KCNMB4: variants seen among roughly 807,000 people sequenced by gnomAD.
KCNMB4 encodes potassium calcium-activated channel subfamily M regulatory beta subunit 4.
In KCNMB4, 3 loss-of-function variants were observed where a neutral mutation model predicts 20.7. The observed-to-expected ratio is 0.14, with a 90% CI of 0.07 to 0.37. The LOEUF (loss-of-function observed/expected upper bound fraction) is 0.37. Among genes scored for constraint, KCNMB4 ranks in the 10% least tolerant of loss-of-function variants. KCNMB4 has a pLI of 1.00. For missense variants in KCNMB4, 168 were observed against 265.9 expected, an observed-to-expected ratio of 0.63 and a Z score of 2.56; for synonymous variants, 110 against 113.4, an observed-to-expected ratio of 0.97 and a Z score of 0.19.
At chr12:70,415,272 G>A (rs1370437855) in intron 2 of KCNMB4, among the ~76,000 whole-genome samples, 1 of 152,180 alleles carries the variant, frequency 6.6e-6, no homozygotes. Context: ...AGTTCCAGAA[G>A]CCTCTTCTGT....
chr12:70,371,041 G>A (rs1883584030), intron 1 of KCNMB4, among the ~76,000 whole-genome samples: 1 of 152,048 alleles, frequency 6.6e-6, no homozygotes, highest in Admixed American at 6.6e-5. Flanking sequence ...ATATTTAGTA[G>A]AGACAGGGTT....
intron 2 of KCNMB4, among the ~76,000 whole-genome samples, chr12:70,401,975 C>T (rs1297335388): frequency 6.6e-6 from 1 of 152,158 alleles, no homozygotes; most frequent in Non-Finnish European, 1.5e-5. Flanking sequence ...GGCTTTGCCT[C>T]TTGATAGGAG....
chr12:70,375,245 G>A (rs1376367659), intron 1 of KCNMB4, among the ~76,000 whole-genome samples: 1 of 152,024 alleles, frequency 6.6e-6, no homozygotes. Flanking sequence ...TCTGTTCATT[G>A]AGTTTATGGC....
chr12:70,426,569 A>T (rs1294269760), intron 2 of KCNMB4, among the ~76,000 whole-genome samples: 1 of 152,212 alleles, frequency 6.6e-6, no homozygotes, highest in Non-Finnish European at 1.5e-5. Context: ...TAAGTGATTC[A>T]AATTTGAGAA....
rs533452555 is a variant in KCNMB4 at position 70,422,191 on chromosome 12, C to G, written c.465-8294C>G. On this transcript the variant is annotated intron_variant, in intron 2 of 2. Transcript: ENST00000258111. Reference sequence around the variant, plus strand: ...GAAGAATGTAAATGTCTTCTTGTCTCCAGTTTATTTCTGCTTAAACCTTAA... The same window carrying G: ...GAAGAATGTAAATGTCTTCTTGTCTGCAGTTTATTTCTGCTTAAACCTTAA... Among the ~76,000 whole-genome samples the G allele has an allele frequency of 1.7e-3, 261 of 152,260 alleles. 1 individual carries two copies. The highest frequency in any genetic ancestry group is 3.2e-3 in the Non-Finnish European group (215 of 68,014).
chr12:70,432,075 G>T lies in KCNMB4; in HGVS notation c.*1422G>T, dbSNP rs909119616. 3.3e-5 allele frequency: 5 copies of T among 149,660 alleles called. No homozygotes were observed. Among genetic ancestry groups the T allele is most frequent in the South Asian group, 2.1e-4 (1 of 4,750 alleles). 9.3% of individuals were successfully genotyped at this position (149,660 alleles called of 1,614,324 possible). Reference sequence around the variant, plus strand: ...AGATGGTGTCTCACTCTGTTGCCAGGCTGGAGTGCAGTGGCACGATCTCGG... The same window carrying T: ...AGATGGTGTCTCACTCTGTTGCCAGTCTGGAGTGCAGTGGCACGATCTCGG... On this transcript the variant is annotated 3_prime_UTR_variant, in exon 3 of 3. Transcript: ENST00000258111.
At chr12:70,405,450 G>A (rs938631220) in intron 2 of KCNMB4, among the ~76,000 whole-genome samples, 77 of 152,220 alleles carry the variant, frequency 5.1e-4, no homozygotes, top group African/African-American at 1.7e-3. Flanking sequence ...GTCACCTCAC[G>A]CCTCTCAGAA....
At chr12:70,368,667 G>A (rs1030998554) in intron 1 of KCNMB4, among the ~76,000 whole-genome samples, 12 of 152,154 alleles carry the variant, frequency 7.9e-5, no homozygotes, top group African/African-American at 2.9e-4. Context: ...TTATATGGCA[G>A]TTCATCATTT....
At chr12:70,401,281 C>T (rs1383018484) in intron 2 of KCNMB4, among the ~76,000 whole-genome samples, 1 of 152,212 alleles carries the variant, frequency 6.6e-6, no homozygotes, top group Non-Finnish European at 1.5e-5. Flanking sequence ...CTGCCTCAGC[C>T]TCCCAAAGTG....
intron 2 of KCNMB4, among the ~76,000 whole-genome samples, chr12:70,417,002 CT>C (rs1868929267): frequency 6.6e-6 from 1 of 152,194 alleles, no homozygotes; most frequent in African/African-American, 2.4e-5. Context: ...ATGCAGCTGA[CT>C]TTCCCTTCAC....
chr12:70,395,563 T>A lies in KCNMB4; in HGVS notation c.337-4646T>A, dbSNP rs1277827465. On this transcript the variant is annotated intron_variant, in intron 1 of 2. Coordinates refer to ENST00000258111, the MANE Select transcript of KCNMB4 (RefSeq NM_014505.6). ...AATCTTGACAAACCCTAACATATGA[T>A]AATGGAAAACTAAGTAATAATAAGT... Among the ~76,000 whole-genome samples the A allele has an allele frequency of 4.6e-5, 7 of 152,168 alleles. No individual in the cohort carries two copies. In the East Asian group the frequency reaches 1.3e-3, roughly 29 times the overall value.
chr12:70,422,923 T>C (rs1869106075), intron 2 of KCNMB4: 1 of 910,054 alleles, frequency 1.1e-6, no homozygotes, highest in African/African-American at 1.7e-5. Flanking sequence ...GCCTCTACTT[T>C]AGGAGACTTG....
intron 1 of KCNMB4, among the ~76,000 whole-genome samples, chr12:70,380,473 G>A (rs181840917): frequency 1.3e-3 from 191 of 152,240 alleles, no homozygotes; most frequent in Non-Finnish European, 3.7e-4. Flanking sequence ...GGTGCCAATG[G>A]ACTTGTTCTC....
intron 1 of KCNMB4, among the ~76,000 whole-genome samples, chr12:70,382,022 T>A (rs1400738998): frequency 4.6e-5 from 7 of 152,210 alleles, no homozygotes; most frequent in African/African-American, 1.4e-4. Context: ...AAATAAATTT[T>A]AAAAAACTAA....
At chr12:70,418,911 G>A (rs1246727926) in intron 2 of KCNMB4, among the ~76,000 whole-genome samples, 1 of 152,136 alleles carries the variant, frequency 6.6e-6, no homozygotes, top group East Asian at 1.9e-4. Flanking sequence ...TCCAGTGTTT[G>A]TAGCCTTTCT....
intron 2 of KCNMB4, among the ~76,000 whole-genome samples, chr12:70,424,478 G>A (rs1038969896): frequency 7.4e-5 from 11 of 147,902 alleles, no homozygotes; most frequent in Middle Eastern, 3.7e-3. Context: ...GGCTGGGTGC[G>A]GCAGGGCATG....
chr12:70,388,452 T>C (rs1389926817), intron 1 of KCNMB4, among the ~76,000 whole-genome samples: 1 of 152,182 alleles, frequency 6.6e-6, no homozygotes, highest in Non-Finnish European at 1.5e-5. Flanking sequence ...TTCTCCCTAG[T>C]GGTTGTACTA....
intron 1 of KCNMB4, among the ~76,000 whole-genome samples, chr12:70,383,634 C>T (rs1883834707): frequency 6.6e-6 from 1 of 152,208 alleles, no homozygotes; most frequent in Non-Finnish European, 1.5e-5. Context: ...CCCTTCCTTG[C>T]CTCTTCCTAG....
At chr12:70,370,033 A>T (rs1475706952) in intron 1 of KCNMB4, among the ~76,000 whole-genome samples, 2 of 152,142 alleles carry the variant, frequency 1.3e-5, no homozygotes, top group African/African-American at 4.8e-5. Flanking sequence ...CCTTAGAATC[A>T]CCAGGGGAAC....
Sources: allele counts gnomAD v4.1 joint callset (sites outside exome capture counted in the v4.1 genomes callset), GRCh38; gene constraint gnomAD v4.1.1; transcripts MANE v1.5; gene names NCBI Gene and HGNC (gene_info 2026-07-23, HGNC 2026-07-21).